PLEKHA7: variants seen among roughly 807,000 people sequenced by gnomAD.
PLEKHA7 encodes pleckstrin homology domain containing A7.
In PLEKHA7, 104 loss-of-function variants were observed where a neutral mutation model predicts 170.0. The observed-to-expected ratio is 0.61, with a 90% CI of 0.52 to 0.72. The LOEUF (loss-of-function observed/expected upper bound fraction) is 0.72. PLEKHA7 is among the 30% of genes least tolerant of loss of function. The probability of loss-of-function intolerance (pLI) is 0.00; values close to 1 mark genes in which losing one functional copy is unlikely to be tolerated. For synonymous variants in PLEKHA7, 648 were observed against 660.8 expected (o/e 0.98, Z 0.30); for missense variants, 1,615 against 1,671.7 (o/e 0.97, Z 0.59).
rs763199950 is a variant in PLEKHA7, at chr11:16,841,675, C to T, written c.744G>A (p.Ala248=). The T allele has an allele frequency of 1.9e-5, 31 of 1,614,040 alleles. 1 individual carries two copies. In the Admixed American group the frequency reaches 2.2e-4, roughly 11 times the overall value. The part of the protein sequence containing the change: ...MRALIYNSST[A]GSQAEQSGMR... ...TGCCTGACTGCTCGGCCTGAGAGCC[C>T]GCTGTGGAGCTGTTATAGATGAGCG... The change falls in exon 9 of 27, where the codon GCG becomes GCA. Residue 248 remains alanine, a synonymous_variant. Transcript: ENST00000531066.
intron 16 of PLEKHA7, among the ~76,000 whole-genome samples, chr11:16,801,298 GC>G (rs1340278181): frequency 6.6e-6 from 1 of 152,206 alleles, no homozygotes; most frequent in Non-Finnish European, 1.5e-5. Flanking sequence ...CCCTCAGGAT[GC>G]TTTGATTCTC....
rs143231860 is a variant in PLEKHA7 at position 16,860,568 on chromosome 11, T to G, written c.306-4654A>C. ...CACCTACTGCATGCATGCCAGGCACTTGGCCTGCATTATCTCACTTAACCC... is the reference window on the plus strand; with the variant it reads ...CACCTACTGCATGCATGCCAGGCACGTGGCCTGCATTATCTCACTTAACCC... On this transcript the variant is annotated intron_variant, in intron 4 of 26. Coordinates refer to ENST00000531066, the MANE Select transcript of PLEKHA7 (RefSeq NM_001329630.2). Among the ~76,000 whole-genome samples the G allele has an allele frequency of 2.0e-5, 3 of 152,314 alleles. No individual in the cohort carries two copies. The East Asian group carries it at 5.8e-4, about 29-fold the overall frequency.
intron 3 of PLEKHA7, among the ~76,000 whole-genome samples, chr11:16,959,521 T>C (rs1382798389): frequency 6.6e-6 from 1 of 152,138 alleles, no homozygotes; most frequent in Admixed American, 6.5e-5. Context: ...CAGCACCCAA[T>C]GAGGGTGATG....
chr11:16,882,919 C>G (rs1855817822), intron 3 of PLEKHA7, among the ~76,000 whole-genome samples: 1 of 151,988 alleles, frequency 6.6e-6, no homozygotes, highest in Non-Finnish European at 1.5e-5. Flanking sequence ...CATAGAAAAG[C>G]AAAGCAGACC....
chr11:16,881,737 C>G (rs1855731343), intron 3 of PLEKHA7: 1 of 152,222 alleles, frequency 6.6e-6, no homozygotes, highest in African/African-American at 2.4e-5. Context: ...CCATGCTGAG[C>G]TGAAATCAGC....
intron 3 of PLEKHA7, among the ~76,000 whole-genome samples, chr11:16,937,303 G>T (rs1012143138): frequency 1.3e-5 from 2 of 152,290 alleles, no homozygotes; most frequent in Non-Finnish European, 2.9e-5. Flanking sequence ...TGCCAAGATT[G>T]TGCTGGGCAC....
At chr11:16,900,783 CT>C (rs1857278449) in intron 3 of PLEKHA7, among the ~76,000 whole-genome samples, 1 of 152,038 alleles carries the variant, frequency 6.6e-6, no homozygotes, top group African/African-American at 2.4e-5. Flanking sequence ...CCCAAAAAAT[CT>C]TTTTTCTAGG....
chr11:16,861,785 C>T (rs1295779314), intron 4 of PLEKHA7, among the ~76,000 whole-genome samples: 1 of 150,594 alleles, frequency 6.6e-6, no homozygotes, highest in African/African-American at 2.4e-5. Context: ...CCCCCAAAGT[C>T]ATGCTCTGTC....
At chr11:16,871,006 T>C in intron 4 of PLEKHA7, 93 bp downstream of exon 4, 4 of 956,586 alleles carry the variant, frequency 4.2e-6, no homozygotes, top group Non-Finnish European at 6.5e-6. Flanking sequence ...CCCCTCTGTC[T>C]CAGAGAAAAC....
intron 3 of PLEKHA7, among the ~76,000 whole-genome samples, chr11:16,938,259 G>A (rs943158671): frequency 6.6e-6 from 1 of 152,100 alleles, no homozygotes; most frequent in Admixed American, 6.6e-5. Context: ...TTGCTGGTGT[G>A]TTACCCTAGA....
At chr11:16,804,029 G>A (rs1420632871) in intron 13 of PLEKHA7, among the ~76,000 whole-genome samples, 1 of 152,204 alleles carries the variant, frequency 6.6e-6, no homozygotes, top group African/African-American at 2.4e-5. Context: ...TTGACTCAAA[G>A]TAGGCAATAT....
intron 24 of PLEKHA7, among the ~76,000 whole-genome samples, chr11:16,786,017 A>AT (rs1459977056): frequency 6.6e-6 from 1 of 152,176 alleles, no homozygotes; most frequent in East Asian, 1.9e-4. Flanking sequence ...TAAAATTGCA[A>AT]TTTGCCCTAA....
At chr11:16,995,698 C>G (rs1864299683) in intron 3 of PLEKHA7, among the ~76,000 whole-genome samples, 4 of 152,188 alleles carry the variant, frequency 2.6e-5, no homozygotes. Flanking sequence ...CTGACCTCCC[C>G]TCTCCAGTCC....
Position 16,783,842 on chromosome 11 carries a change from A to G in PLEKHA7, c.3517-9T>C. 1 of 1,448,054 alleles carries G rather than the reference A, an allele frequency of 6.9e-7. No individual in the cohort carries two copies. Among genetic ancestry groups the G allele is most frequent in the Non-Finnish European group, 9.1e-7 (1 of 1,103,284 alleles). The allele number at this position is 1,448,054 out of a possible 1,614,324, so 89.7% of individuals were successfully genotyped here. ...TTCTCTGGTTTGGACAGCTGGGGAG[A>G]GGCCAGGAGGTGGCAGAGGGAGAGG... On this transcript the variant is annotated splice_polypyrimidine_tract_variant and intron_variant, in intron 24 of 26. Coordinates refer to ENST00000531066, the MANE Select transcript of PLEKHA7 (RefSeq NM_001329630.2).
At chr11:16,926,757 G>A (rs549068860) in intron 3 of PLEKHA7, among the ~76,000 whole-genome samples, 8 of 152,220 alleles carry the variant, frequency 5.3e-5, no homozygotes, top group Non-Finnish European at 1.2e-4. Context: ...GAAATGCCAT[G>A]CTAGGCACAT....
intron 3 of PLEKHA7, among the ~76,000 whole-genome samples, chr11:16,943,628 G>A (rs1224134246): frequency 6.6e-6 from 1 of 152,192 alleles, no homozygotes; most frequent in Non-Finnish European, 1.5e-5. Flanking sequence ...GCAAGAAAAT[G>A]GGAATGGGAA....
Position 16,789,434 on chromosome 11 carries a change from G to A in PLEKHA7, c.3157-138C>T. On this transcript the variant is annotated intron_variant, in intron 22 of 26. Transcript: ENST00000531066. This position sits in a 1 kb window ranked among gnomAD's most constrained non-coding sequence, Gnocchi z 4.6. ...TCTAGTTGGGCTCCTCTTGGCCTTA[G>A]AGAACTATTTCCTCTAAGCAACACG... The A allele has an allele frequency of 1.2e-6, 1 of 800,960 alleles. No homozygotes were observed. The highest frequency in any genetic ancestry group is 2.0e-6 in the Non-Finnish European group (1 of 500,804). The allele number at this position is 800,960 out of a possible 1,614,324, so 49.6% of individuals were successfully genotyped here. A position where few individuals can be genotyped will look rare whatever the true frequency, so the allele number is the denominator to read the frequency against.
At chr11:16,889,420 A>AAAAAAAAAAT (rs61086849) in intron 3 of PLEKHA7, among the ~76,000 whole-genome samples, 52 of 74,658 alleles carry the variant, frequency 7.0e-4, no homozygotes, top group Non-Finnish European at 1.2e-3. Context: ...AAAAAAAAAA[A>AAAAAAAAAAT]ATATATATAT....
At chr11:16,825,439 T>A (rs949596508) in intron 10 of PLEKHA7, among the ~76,000 whole-genome samples, 3 of 152,220 alleles carry the variant, frequency 2.0e-5, no homozygotes, top group African/African-American at 7.2e-5. Context: ...CTGAAAATAG[T>A]GAGGGGAATC....
Sources: allele counts gnomAD v4.1 joint callset (sites outside exome capture counted in the v4.1 genomes callset), GRCh38; gene constraint gnomAD v4.1.1; non-coding constraint Gnocchi (gnomAD v3.1); transcripts MANE v1.5; gene names NCBI Gene and HGNC (gene_info 2026-07-23, HGNC 2026-07-21).